CTNND2: variants seen among roughly 807,000 people sequenced by gnomAD.
CTNND2 encodes the protein catenin delta-2.
In CTNND2, 22 loss-of-function variants were observed where a neutral mutation model predicts 144.4. The ratio of observed to expected loss-of-function variants is 0.15; its 90% CI spans 0.11 to 0.22. The LOEUF (loss-of-function observed/expected upper bound fraction) is 0.22, where lower values mean the gene tolerates loss of function less well. Among genes scored for constraint, CTNND2 ranks in the 10% least tolerant of loss-of-function variants. The probability of loss-of-function intolerance (pLI) is 1.00; values close to 1 mark genes in which losing one functional copy is unlikely to be tolerated. For synonymous variants in CTNND2, 751 were observed against 695.6 expected (o/e 1.08, Z -1.25); for missense variants, 1,353 against 1,618.8 (o/e 0.84, Z 2.82).
At chr5:11,231,006 AT>A (rs1281174059) in intron 10 of CTNND2, among the ~76,000 whole-genome samples, 2 of 150,122 alleles carry the variant, frequency 1.3e-5, no homozygotes, top group Non-Finnish European at 3.0e-5. Context: ...AAAAATCCCC[AT>A]GTGTCAAGGG....
intron 2 of CTNND2, among the ~76,000 whole-genome samples, chr5:11,576,421 A>G (rs1054850680): frequency 6.7e-6 from 1 of 150,290 alleles, no homozygotes; most frequent in Non-Finnish European, 1.5e-5. Context: ...ATATAAATAT[A>G]TATAATTTTA....
chr5:11,765,602 G>T (rs1789536902), intron 1 of CTNND2, among the ~76,000 whole-genome samples: 1 of 152,072 alleles, frequency 6.6e-6, no homozygotes, highest in Non-Finnish European at 1.5e-5. Flanking sequence ...TGAATATTTT[G>T]GAAATATTAA....
intron 2 of CTNND2, among the ~76,000 whole-genome samples, chr5:11,693,941 CTA>C (rs1360515090): frequency 6.6e-6 from 1 of 152,128 alleles, no homozygotes; most frequent in African/African-American, 2.4e-5. Flanking sequence ...CTCTTTGAAG[CTA>C]TCTTATTTTT....
intron 9 of CTNND2, among the ~76,000 whole-genome samples, chr5:11,318,734 C>G (rs764057078): frequency 6.6e-6 from 1 of 152,022 alleles, no homozygotes; most frequent in Non-Finnish European, 1.5e-5. Context: ...CAACGATGCC[C>G]TCTTTCTTCC....
chr5:11,216,592 C>T lies in CTNND2; in HGVS notation c.1762-16931G>A, dbSNP rs138419757. On this transcript the variant is annotated intron_variant, in intron 10 of 21. Transcript: ENST00000304623. ...CCAGAAAGGAACACAAACCTGCCAA[C>T]ACTGGGATGTTAGCCCAGTGAGACC... Among the ~76,000 whole-genome samples the T allele has an allele frequency of 1.1e-4, 17 of 152,338 alleles. 1 individual carries two copies. In the Middle Eastern group the frequency reaches 0.01, roughly 91 times the overall value.
At chr5:11,152,568 T>C (rs1043892989) in intron 12 of CTNND2, among the ~76,000 whole-genome samples, 1 of 152,186 alleles carries the variant, frequency 6.6e-6, no homozygotes, top group African/African-American at 2.4e-5. Flanking sequence ...ATGCCATGCA[T>C]GACTGTATAA....
intron 14 of CTNND2, among the ~76,000 whole-genome samples, chr5:11,102,970 A>AT (rs778134907): frequency 0.088 from 7,367 of 83,914 alleles, 1,509 homozygotes; most frequent in Non-Finnish European, 0.11. Context: ...TATTTAAAAG[A>AT]TTTTTTTTTT....
intron 1 of CTNND2, among the ~76,000 whole-genome samples, chr5:11,765,785 A>G (rs894090438): frequency 6.6e-6 from 1 of 152,182 alleles, no homozygotes; most frequent in Non-Finnish European, 1.5e-5. Context: ...AAATGACTCA[A>G]CACAGCTTAT....
chr5:11,553,384 A>G (rs1327520700), intron 3 of CTNND2, among the ~76,000 whole-genome samples: 1 of 152,232 alleles, frequency 6.6e-6, no homozygotes, highest in East Asian at 1.9e-4. Flanking sequence ...ACAATTTTAT[A>G]ATCTTCTGTA....
At chr5:11,793,165 C>T (rs1791226611) in intron 1 of CTNND2, among the ~76,000 whole-genome samples, 1 of 152,120 alleles carries the variant, frequency 6.6e-6, no homozygotes, top group Non-Finnish European at 1.5e-5. Flanking sequence ...GGCTCCCGAC[C>T]CTTACTATAA....
intron 1 of CTNND2, among the ~76,000 whole-genome samples, chr5:11,758,878 A>G (rs1324700842): frequency 6.6e-6 from 1 of 151,994 alleles, no homozygotes; most frequent in Non-Finnish European, 1.5e-5. Context: ...TTTTCAGTAC[A>G]TTTAGAATGT....
chr5:11,160,340 G>A (rs1365895998), intron 11 of CTNND2, among the ~76,000 whole-genome samples: 1 of 152,214 alleles, frequency 6.6e-6, no homozygotes, highest in Non-Finnish European at 1.5e-5. Context: ...GCTCATGGAG[G>A]ACCTACAGAA....
At chr5:11,478,213 A>T (rs1402676110) in intron 3 of CTNND2, among the ~76,000 whole-genome samples, 1 of 152,130 alleles carries the variant, frequency 6.6e-6, no homozygotes, top group Non-Finnish European at 1.5e-5. Context: ...TTCGTTAAAA[A>T]ATTTCTCCCA....
At chr5:11,300,084 G>A (rs1244052616) in intron 9 of CTNND2, among the ~76,000 whole-genome samples, 1 of 152,144 alleles carries the variant, frequency 6.6e-6, no homozygotes, top group East Asian at 1.9e-4. Flanking sequence ...GGGGGTGCAG[G>A]GACTCCATTT....
At chr5:11,741,769 A>G (rs903636331) in intron 1 of CTNND2, among the ~76,000 whole-genome samples, 1 of 148,060 alleles carries the variant, frequency 6.8e-6, no homozygotes, top group South Asian at 2.1e-4. Flanking sequence ...TATATATATA[A>G]TATATATTCA....
At chr5:11,550,209 A>G (rs1237623221) in intron 3 of CTNND2, among the ~76,000 whole-genome samples, 1 of 152,210 alleles carries the variant, frequency 6.6e-6, no homozygotes, top group Non-Finnish European at 1.5e-5. Context: ...CTTTCCAATT[A>G]CACATCACTA....
intron 8 of CTNND2, among the ~76,000 whole-genome samples, chr5:11,363,516 A>C (rs1259847054): frequency 6.6e-6 from 1 of 152,222 alleles, no homozygotes; most frequent in African/African-American, 2.4e-5. Context: ...AAGGTGAAAA[A>C]AATTCTGACA....
At chr5:11,409,448 T>C (rs1761345842) in intron 5 of CTNND2, among the ~76,000 whole-genome samples, 1 of 152,192 alleles carries the variant, frequency 6.6e-6, no homozygotes, top group South Asian at 2.1e-4. Context: ...TATTTCAACA[T>C]TTTGTGGCTT....
At chr5:11,673,103 C>T (rs1249433449) in intron 2 of CTNND2, among the ~76,000 whole-genome samples, 2 of 152,138 alleles carry the variant, frequency 1.3e-5, no homozygotes, top group Admixed American at 6.5e-5. Context: ...TTCTCATTTT[C>T]CAGTTTATCA....
Sources: allele counts gnomAD v4.1 joint callset (sites outside exome capture counted in the v4.1 genomes callset), GRCh38; gene constraint gnomAD v4.1.1; transcripts MANE v1.5; gene names NCBI Gene and HGNC (gene_info 2026-07-23, HGNC 2026-07-21).